SCTR: variants seen among roughly 807,000 people sequenced by gnomAD.
SCTR encodes the protein pancreatic secretin receptor.
In SCTR, 56 loss-of-function variants were observed where a neutral mutation model predicts 60.8. The observed-to-expected ratio is 0.92, with a 90% CI of 0.74 to 1.15. The LOEUF (loss-of-function observed/expected upper bound fraction) is 1.15, where lower values mean the gene tolerates loss of function less well. Among genes scored for constraint, SCTR ranks in the 50% most tolerant of loss-of-function variants. SCTR has a pLI of 0.00. For synonymous variants in SCTR, 202 were observed against 217.0 expected (o/e 0.93, Z 0.61); for missense variants, 562 against 550.4 (o/e 1.02, Z -0.21).
chr2:119,518,981 T>C (rs550731197), intron 1 of SCTR, among the ~76,000 whole-genome samples: 16 of 152,214 alleles, frequency 1.1e-4, no homozygotes, highest in African/African-American at 3.6e-4. Flanking sequence ...CCCCCTTTTT[T>C]TTTGAGACGG....
chr2:119,490,861 T>G (rs1033214062), intron 2 of SCTR, among the ~76,000 whole-genome samples: 1 of 152,206 alleles, frequency 6.6e-6, no homozygotes, highest in Non-Finnish European at 1.5e-5. Context: ...CACAGCAGGC[T>G]GGAAGTGCAA....
intron 3 of SCTR, among the ~76,000 whole-genome samples, chr2:119,477,281 T>G (rs1412832706): frequency 6.6e-6 from 1 of 152,192 alleles, no homozygotes; most frequent in Non-Finnish European, 1.5e-5. Flanking sequence ...CCGCCCCTTA[T>G]GAACCTCTGC....
chr2:119,450,058 GAA>G (rs756658188), intron 9 of SCTR, among the ~76,000 whole-genome samples: 20 of 120,428 alleles, frequency 1.7e-4, no homozygotes, highest in African/African-American at 7.8e-4. Context: ...AAAAAAGAAA[GAA>G]AAAGAAAGAA....
chr2:119,446,612 C>T, intron 11 of SCTR, 147 bp downstream of exon 11: 1 of 663,012 alleles, frequency 1.5e-6, no homozygotes, highest in Non-Finnish European at 2.3e-6. Context: ...CACTCAGGGA[C>T]CTGTAGCACT....
intron 11 of SCTR, among the ~76,000 whole-genome samples, chr2:119,443,824 G>C (rs1410464896): frequency 6.6e-6 from 1 of 152,194 alleles, no homozygotes; most frequent in African/African-American, 2.4e-5. Context: ...TAGGATTACA[G>C]GCGTGAGCCC....
Position 119,495,807 on chromosome 2 carries a change from C to G in SCTR, c.73-1259G>C, listed in dbSNP as rs370675539. Among the ~76,000 whole-genome samples the G allele has an allele frequency of 7.9e-5, 12 of 152,350 alleles. No homozygotes were observed. In the East Asian group the frequency reaches 2.1e-3, roughly 27 times the overall value. Reference sequence around the variant, plus strand: ...CCCCATGAAAAACACATCACCTCCCCTGGCCCAGAGCTTGTGATCAGTCAT... The same window carrying G: ...CCCCATGAAAAACACATCACCTCCCGTGGCCCAGAGCTTGTGATCAGTCAT... On this transcript the variant is annotated intron_variant, in intron 1 of 12. Transcript: ENST00000019103.
rs1553459843 is a variant in SCTR, at chr2:119,450,078, A to ATAAATAAATAAAT, written c.922-1299_922-1298insATTTATTTATTTA. Among the ~76,000 whole-genome samples the ATAAATAAATAAAT allele has an allele frequency of 1.2e-3, 177 of 145,186 alleles. 2 individuals are homozygous for ATAAATAAATAAAT. Among genetic ancestry groups the ATAAATAAATAAAT allele is most frequent in the African/African-American group, 4.6e-3 (168 of 36,618 alleles). On this transcript the variant is annotated intron_variant, in intron 9 of 12. Transcript: ENST00000019103. Reference sequence around the variant, plus strand: ...AGAAAGAAAAAGAAAGAAAGAAAGAAAAATAAATAAATAAATAAATAAATA... The same window carrying ATAAATAAATAAAT: ...AGAAAGAAAAAGAAAGAAAGAAAGAATAAATAAATAAATAAATAAATAAATAAATAAATAAATA...
At chr2:119,447,966 T>C (rs1682996808) in intron 10 of SCTR, among the ~76,000 whole-genome samples, 1 of 152,190 alleles carries the variant, frequency 6.6e-6, no homozygotes, top group Non-Finnish European at 1.5e-5. Flanking sequence ...TATCTCAGAA[T>C]GTGACTGCAT....
Position 119,473,551 on chromosome 2 carries a change from A to G in SCTR, c.307T>C (p.Leu103=). The change falls in exon 4 of 13, where the codon TTG becomes CTG. Residue 103 remains leucine, a synonymous_variant. Coordinates refer to ENST00000019103, the MANE Select transcript of SCTR (RefSeq NM_002980.3). ...LRMLTSRNGS[L]FRNCTQDGWS... ...CCATCCTGTGTGCAGTTTCGGAACA[A>G]GGAACCTGTGGGTGCCAAGAGTCCT... The G allele has an allele frequency of 1.2e-6, 2 of 1,612,812 alleles. No individual in the cohort carries two copies. Among genetic ancestry groups the G allele is most frequent in the Non-Finnish European group, 1.7e-6 (2 of 1,178,810 alleles).
rs543738500 is a variant in SCTR, at chr2:119,473,597, G to C, written c.302-41C>G. 10 of 1,217,006 alleles carry C rather than the reference G, an allele frequency of 8.2e-6. No individual in the cohort carries two copies. The East Asian group carries it at 1.2e-4, about 14-fold the overall frequency. The allele number at this position is 1,217,006 out of a possible 1,614,324, so 75.4% of individuals were successfully genotyped here. A position where few individuals can be genotyped will look rare whatever the true frequency, so the allele number is the denominator to read the frequency against. On this transcript the variant is annotated intron_variant, in intron 3 of 12. Transcript: ENST00000019103. ...GTCCTGTAGGTGAGCCATGGGCCCAGGCACTGTGATTTTCATAGTAACATC... is the reference window on the plus strand; with the variant it reads ...GTCCTGTAGGTGAGCCATGGGCCCACGCACTGTGATTTTCATAGTAACATC...
At position 119,446,661 on chromosome 2, in the gene SCTR, A is replaced by C. The variant is rs150074518; in HGVS notation, c.1140+98T>G. ...CCTTCTTCCCCTGGGTCTCTGCCAG[A>C]TAAGGCATCTGGCTCGCAGTCTCTA... On this transcript the variant is annotated intron_variant, in intron 11 of 12. Transcript: ENST00000019103. The C allele has an allele frequency of 1.6e-5, 19 of 1,197,282 alleles. No individual in the cohort carries two copies. The African/African-American group carries it at 3.0e-4, about 19-fold the overall frequency. 74.2% of individuals were successfully genotyped at this position (1,197,282 alleles called of 1,614,324 possible).
chr2:119,511,598 T>A (rs1678933273), intron 1 of SCTR, among the ~76,000 whole-genome samples: 1 of 152,130 alleles, frequency 6.6e-6, no homozygotes, highest in South Asian at 2.1e-4. Flanking sequence ...GTCCTATTGG[T>A]TTTTCCTCCG....
intron 1 of SCTR, among the ~76,000 whole-genome samples, chr2:119,519,848 AAAG>A: frequency 9.0e-6 from 1 of 110,904 alleles, no homozygotes; most frequent in East Asian, 6.9e-4. Flanking sequence ...AAAGAAAAAC[AAAG>A]AAAAAAAAAA....
intron 8 of SCTR, among the ~76,000 whole-genome samples, chr2:119,452,850 C>T (rs1324974917): frequency 6.6e-6 from 1 of 152,152 alleles, no homozygotes; most frequent in Non-Finnish European, 1.5e-5. Context: ...GGTGCGTCCC[C>T]TGGGCTCACT....
chr2:119,483,998 G>A (rs1009349068), intron 2 of SCTR, among the ~76,000 whole-genome samples: 6 of 152,100 alleles, frequency 3.9e-5, no homozygotes, highest in South Asian at 2.1e-4. Flanking sequence ...GCTTAGCTTC[G>A]GATACCTGTC....
chr2:119,468,665 T>C (rs1683937143), intron 4 of SCTR, among the ~76,000 whole-genome samples: 1 of 152,324 alleles, frequency 6.6e-6, no homozygotes, highest in African/African-American at 2.4e-5. Flanking sequence ...GAGCATGAAA[T>C]GGCTCAAAAA....
intron 1 of SCTR, among the ~76,000 whole-genome samples, chr2:119,519,738 G>A (rs1410740537): frequency 2.0e-5 from 3 of 146,398 alleles, no homozygotes; most frequent in South Asian, 2.2e-4. Flanking sequence ...CCTGGGAGAC[G>A]GAGGTTGCAG....
intron 1 of SCTR, among the ~76,000 whole-genome samples, chr2:119,512,340 C>CCCTTCTCCTTCT (rs58262510): frequency 1.5e-4 from 8 of 55,100 alleles, no homozygotes; most frequent in East Asian, 4.0e-3. Flanking sequence ...CTTCCCCTTC[C>CCCTTCTCCTTCT]CCTTCTCCTT....
intron 11 of SCTR, among the ~76,000 whole-genome samples, chr2:119,442,558 A>G (rs1322250528): frequency 1.3e-5 from 2 of 152,236 alleles, no homozygotes; most frequent in Non-Finnish European, 2.9e-5. Context: ...TGGTGGGCTT[A>G]ATATGTACAA....
Sources: allele counts gnomAD v4.1 joint callset (sites outside exome capture counted in the v4.1 genomes callset), GRCh38; gene constraint gnomAD v4.1.1; transcripts MANE v1.5; gene names NCBI Gene and HGNC (gene_info 2026-07-23, HGNC 2026-07-21).